Variants in FCMR observed in about 807,000 individuals in gnomAD.
FCMR encodes immunoglobulin mu Fc receptor.
Under a neutral mutation model 41.6 loss-of-function variants are expected in FCMR, and 34 were observed. The observed-to-expected ratio is 0.82, with a 90% CI of 0.62 to 1.09. The LOEUF (loss-of-function observed/expected upper bound fraction) is 1.09, where lower values mean the gene tolerates loss of function less well. Among genes scored for constraint, FCMR ranks in the 50% least tolerant of loss-of-function variants. The pLI is 0.00. For synonymous variants in FCMR, 209 were observed against 211.8 expected, an observed-to-expected ratio of 0.99 and a Z score of 0.12; for missense variants, 496 against 512.5, an observed-to-expected ratio of 0.97 and a Z score of 0.31.
intron 1 of FCMR, chr1:206,917,900 G>A: frequency 2.3e-6 from 1 of 431,306 alleles, no homozygotes; most frequent in Non-Finnish European, 4.5e-6. Context: ...TTACAGGCAT[G>A]AGTCTCCATG....
At chr1:206,915,784 A>G (rs938273331) in intron 1 of FCMR, among the ~76,000 whole-genome samples, 2 of 152,188 alleles carry the variant, frequency 1.3e-5, no homozygotes, top group African/African-American at 2.4e-5. Context: ...TAGCATGTCC[A>G]TGGGCGGAGA....
chr1:206,907,935 C>T lies in FCMR; in HGVS notation c.1044+1527G>A, dbSNP rs1304847985. On this transcript the variant is annotated intron_variant, in intron 7 of 7. Transcript: ENST00000367091. ...CCCTGGACCACCTCAAGGTGTTTGA[C>T]GGCATCCTACTGCCCTACGACAAGA... is the stretch of plus-strand genomic sequence containing the variant. 5 of 1,287,332 alleles carry T rather than the reference C, an allele frequency of 3.9e-6. No homozygotes were observed. The African/African-American group carries it at 4.4e-5, about 11-fold the overall frequency. 79.7% of individuals were successfully genotyped at this position (1,287,332 alleles called of 1,614,324 possible).
At chr1:206,905,683 G>A (rs1241746697) in intron 7 of FCMR, among the ~76,000 whole-genome samples, 1 of 152,130 alleles carries the variant, frequency 6.6e-6, no homozygotes, top group Non-Finnish European at 1.5e-5. Context: ...CCACCTTGAG[G>A]ACAGTCAGTT....
rs1016521818 is a variant in FCMR at position 206,904,108 on chromosome 1, C to T, written c.*911G>A. ...CATGACATAAGTGCTATTGCAGAGCCGTGGCCACCCAGGAACTCCTGACTG... is the reference window on the plus strand; with the variant it reads ...CATGACATAAGTGCTATTGCAGAGCTGTGGCCACCCAGGAACTCCTGACTG... On this transcript the variant is annotated 3_prime_UTR_variant, in exon 8 of 8. Transcript: ENST00000367091. The T allele has an allele frequency of 2.0e-5, 3 of 152,234 alleles. No homozygotes were observed. Among genetic ancestry groups the T allele is most frequent in the African/African-American group, 4.8e-5 (2 of 41,384 alleles). The allele number at this position is 152,234 out of a possible 1,614,324, so 9.4% of individuals were successfully genotyped here.
At chr1:206,911,440 A>G (rs1678936514) in intron 4 of FCMR, among the ~76,000 whole-genome samples, 1 of 152,146 alleles carries the variant, frequency 6.6e-6, no homozygotes, top group African/African-American at 2.4e-5. Flanking sequence ...TTAATAGTTA[A>G]TTTTATTTTT....
chr1:206,908,328 G>C, intron 7 of FCMR: 1 of 642,194 alleles, frequency 1.6e-6, no homozygotes, highest in South Asian at 1.8e-5. Context: ...AGCAGTCCGG[G>C]TGCCACAGGC....
intron 1 of FCMR, chr1:206,917,793 A>ATTTT: frequency 9.2e-6 from 4 of 434,092 alleles, no homozygotes; most frequent in Admixed American, 2.5e-5. Flanking sequence ...TGTGTGGCGA[A>ATTTT]TTTTTTTTTT....
In FCMR at chr1:206,904,987, G is replaced by A. The variant is rs533543759; in HGVS notation, c.*32C>T. On this transcript the variant is annotated 3_prime_UTR_variant, in exon 8 of 8. Coordinates refer to ENST00000367091, the MANE Select transcript of FCMR (RefSeq NM_005449.5). ...ATGAGACTCCTTGGCACCACAGTCC[G>A]AGCCTGGGGTTGGGGGATAGCTGGG... The A allele has an allele frequency of 7.6e-5, 122 of 1,611,596 alleles. 1 individual carries two copies. The highest frequency in any genetic ancestry group is 9.7e-5 in the Non-Finnish European group (114 of 1,178,430).
In FCMR at chr1:206,909,576, A is replaced by C; in HGVS notation, c.986-56T>G. 3 of 1,271,766 alleles carry C rather than the reference A, an allele frequency of 2.4e-6. No homozygotes were observed. The highest frequency in any genetic ancestry group is 2.0e-6 in the Non-Finnish European group (2 of 992,886). 78.8% of individuals were successfully genotyped at this position (1,271,766 alleles called of 1,614,324 possible). A position where few individuals can be genotyped will look rare whatever the true frequency, so the allele number is the denominator to read the frequency against. On this transcript the variant is annotated intron_variant, in intron 6 of 7. Coordinates refer to ENST00000367091, the MANE Select transcript of FCMR (RefSeq NM_005449.5). The surrounding 1 kb of genome is among the most constrained non-coding windows in gnomAD (Gnocchi z 5.0). ...CGGCCGAGGCTCCCGCCCCACCGTCATGCTACTACTCCCAGCTCCACCCCC... is the reference window on the plus strand; with the variant it reads ...CGGCCGAGGCTCCCGCCCCACCGTCCTGCTACTACTCCCAGCTCCACCCCC...
At chr1:206,908,051 G>A in intron 7 of FCMR, 3 of 1,182,892 alleles carry the variant, frequency 2.5e-6, no homozygotes, top group Non-Finnish European at 1.2e-6. Flanking sequence ...GCTCACGATG[G>A]TGGCTGGAAG....
Position 206,909,427 on chromosome 1 carries a change from C to T in FCMR, c.1044+35G>A, listed in dbSNP as rs1308042765. 2 of 1,215,472 alleles carry T rather than the reference C, an allele frequency of 1.6e-6. No individual in the cohort carries two copies. The highest frequency in any genetic ancestry group is 2.1e-6 in the Non-Finnish European group (2 of 971,218). 75.3% of individuals were successfully genotyped at this position (1,215,472 alleles called of 1,614,324 possible). On this transcript the variant is annotated intron_variant, in intron 7 of 7. Coordinates refer to ENST00000367091, the MANE Select transcript of FCMR (RefSeq NM_005449.5). The surrounding 1 kb of genome is among the most constrained non-coding windows in gnomAD (Gnocchi z 5.0). ...CCAGGGCTGGGGCCGCCCAGTCGGG[C>T]CGCGGCTGCCAATCAGGGCAGGAGC...
At position 206,910,507 on chromosome 1, in the gene FCMR, C is replaced by G. The variant is rs537890931; in HGVS notation, c.711-167G>C. On this transcript the variant is annotated intron_variant, in intron 4 of 7. Coordinates refer to ENST00000367091, the MANE Select transcript of FCMR (RefSeq NM_005449.5). Reference sequence around the variant, plus strand: ...TCAAAAAGACTTGCCTATGGAGTCACGAAACTTGAATTCAAATTCATATTC... The same window carrying G: ...TCAAAAAGACTTGCCTATGGAGTCAGGAAACTTGAATTCAAATTCATATTC... 3.2e-4 allele frequency among the ~76,000 whole-genome samples: 49 copies of G among 152,254 alleles called. 1 individual carries two copies. The South Asian group carries it at 9.3e-3, about 29-fold the overall frequency.
intron 3 of FCMR, among the ~76,000 whole-genome samples, chr1:206,912,263 C>A (rs995315079): frequency 6.6e-6 from 1 of 152,136 alleles, no homozygotes; most frequent in African/African-American, 2.4e-5. Flanking sequence ...GCTGTATTTG[C>A]GTGCTAATCT....
chr1:206,909,676 A>G lies in FCMR; in HGVS notation c.985+49T>C. On this transcript the variant is annotated intron_variant, in intron 6 of 7. Coordinates refer to ENST00000367091, the MANE Select transcript of FCMR (RefSeq NM_005449.5). The surrounding 1 kb of genome is among the most constrained non-coding windows in gnomAD (Gnocchi z 5.0). ...GCCCCGCTGCGCCCGGCTTTCCCGG[A>G]GCCAGCGCACTCTTTCCGCTACTCC... 7.3e-7 allele frequency: 1 copy of G among 1,362,198 alleles called. No homozygotes were observed. The highest frequency in any genetic ancestry group is 9.4e-7 in the Non-Finnish European group (1 of 1,065,118). 84.4% of individuals were successfully genotyped at this position (1,362,198 alleles called of 1,614,324 possible).
chr1:206,909,702 C>T lies in FCMR; in HGVS notation c.985+23G>A. Reference sequence around the variant, plus strand: ...GCCAGCGCACTCTTTCCGCTACTCCCCGTGGCCCGCCCGGCGGCTCACCTG... The same window carrying T: ...GCCAGCGCACTCTTTCCGCTACTCCTCGTGGCCCGCCCGGCGGCTCACCTG... On this transcript the variant is annotated intron_variant, in intron 6 of 7. Transcript: ENST00000367091. The surrounding 1 kb of genome is among the most constrained non-coding windows in gnomAD (Gnocchi z 5.0). 2.8e-6 allele frequency: 4 copies of T among 1,408,052 alleles called. No homozygotes were observed. The highest frequency in any genetic ancestry group is 2.7e-6 in the Non-Finnish European group (3 of 1,093,708). The allele number at this position is 1,408,052 out of a possible 1,614,324, so 87.2% of individuals were successfully genotyped here.
chr1:206,907,137 A>G (rs1291679603), intron 7 of FCMR, among the ~76,000 whole-genome samples: 1 of 139,216 alleles, frequency 7.2e-6, no homozygotes, highest in Non-Finnish European at 1.6e-5. Context: ...GGGACTGCGC[A>G]GAACTGCCTC....
At chr1:206,908,975 C>A (rs1678798699) in intron 7 of FCMR, among the ~76,000 whole-genome samples, 1 of 115,642 alleles carries the variant, frequency 8.6e-6, no homozygotes, top group African/African-American at 4.8e-5. Flanking sequence ...CTACATCTCT[C>A]CCAAGTCATC....
In FCMR at chr1:206,909,686, C is replaced by G; in HGVS notation, c.985+39G>C. The G allele has an allele frequency of 7.2e-7, 1 of 1,381,082 alleles. No individual in the cohort carries two copies. The highest frequency in any genetic ancestry group is 9.3e-7 in the Non-Finnish European group (1 of 1,077,994). The allele number at this position is 1,381,082 out of a possible 1,614,324, so 85.6% of individuals were successfully genotyped here. A position where few individuals can be genotyped will look rare whatever the true frequency, so the allele number is the denominator to read the frequency against. ...GCCCGGCTTTCCCGGAGCCAGCGCA[C>G]TCTTTCCGCTACTCCCCGTGGCCCG... is the stretch of plus-strand genomic sequence containing the variant. On this transcript the variant is annotated intron_variant, in intron 6 of 7. Transcript: ENST00000367091. This position sits in a 1 kb window ranked among gnomAD's most constrained non-coding sequence, Gnocchi z 5.0.
rs114984327 is a variant in FCMR at position 206,911,668 on chromosome 1, G to C, written c.710+62C>G. On this transcript the variant is annotated intron_variant, in intron 4 of 7. Coordinates refer to ENST00000367091, the MANE Select transcript of FCMR (RefSeq NM_005449.5). ...AGGGTGTCTAATAATGGACATTGCA[G>C]TGGGTTTCAGTGGATCTCTTAATTC... The C allele has an allele frequency of 9.2e-4, 1,362 of 1,485,484 alleles. 10 individuals carry two copies. In the African/African-American group the frequency reaches 0.017, roughly 18 times the overall value. 92.0% of individuals were successfully genotyped at this position (1,485,484 alleles called of 1,614,324 possible).
Sources: gnomAD v4.1 joint callset for allele counts (sites outside exome capture counted in the v4.1 genomes callset) on GRCh38, gnomAD v4.1.1 for gene constraint, Gnocchi (gnomAD v3.1) non-coding constraint, MANE v1.5 for transcripts, NCBI Gene and HGNC (gene_info 2026-07-23, HGNC 2026-07-21) for gene names.